SV2C: variants seen among roughly 807,000 people sequenced by gnomAD.
SV2C encodes the protein synaptic vesicle glycoprotein 2C.
SV2C carries 49 observed loss-of-function variants against 79.7 expected under a neutral mutation model. The observed-to-expected ratio is 0.61, with a 90% confidence interval of 0.49 to 0.78. The LOEUF is 0.78. Among genes scored for constraint, SV2C ranks in the 30% least tolerant of loss-of-function variants. The pLI, the probability that SV2C is intolerant of heterozygous loss-of-function variation, is 0.00. For missense variants in SV2C, 833 were observed against 912.9 expected, an observed-to-expected ratio of 0.91 and a Z score of 1.13; for synonymous variants, 334 against 333.2, an observed-to-expected ratio of 1.00 and a Z score of -0.03.
chr5:76,037,245 C>T, the SV2C span, among the ~76,000 whole-genome samples: 6 of 152,328 alleles, frequency 3.9e-5, no homozygotes, highest in South Asian at 2.1e-4. Flanking sequence ...TCTCTCAGCT[C>T]GTCAAAGTCA....
At chr5:76,195,206 A>G in intron 3 of SV2C, 107 bp downstream of exon 3, 1 of 1,154,974 alleles carries the variant, frequency 8.7e-7, no homozygotes, top group African/African-American at 1.5e-5. Flanking sequence ...ATCTCCTTCC[A>G]TATCCTCATG....
chr5:76,314,177 T>C (rs543276989), intron 12 of SV2C, among the ~76,000 whole-genome samples: 1 of 152,310 alleles, frequency 6.6e-6, no homozygotes, highest in Admixed American at 6.5e-5. Flanking sequence ...AATGAATGAA[T>C]GAAATATGCA....
intron 4 of SV2C, among the ~76,000 whole-genome samples, chr5:76,255,358 G>C (rs1746232715): frequency 6.6e-6 from 1 of 152,202 alleles, no homozygotes; most frequent in Admixed American, 6.5e-5. Flanking sequence ...TTTGGAGACA[G>C]GATCAGCCGG....
chr5:76,173,823 C>T (rs1318890507), intron 2 of SV2C: 12 of 1,598,314 alleles, frequency 7.5e-6, no homozygotes, highest in Non-Finnish European at 1.0e-5. Context: ...CTTTCATCTT[C>T]CAAGTCACAC....
intron 2 of SV2C, among the ~76,000 whole-genome samples, chr5:76,145,608 T>G (rs1749395155): frequency 6.6e-6 from 1 of 152,210 alleles, no homozygotes; most frequent in Non-Finnish European, 1.5e-5. Flanking sequence ...GGCCTGCCCT[T>G]AACCCAGTTA....
At chr5:75,945,221 T>C in the SV2C span, among the ~76,000 whole-genome samples, 2,131 of 152,198 alleles carry the variant, frequency 0.014, 61 homozygotes, top group African/African-American at 0.049. Context: ...CTGAAAAATA[T>C]AGTATCTGAA....
At chr5:76,105,976 G>T (rs574445322) in intron 1 of SV2C, among the ~76,000 whole-genome samples, 1 of 151,936 alleles carries the variant, frequency 6.6e-6, no homozygotes, top group Non-Finnish European at 1.5e-5. Flanking sequence ...TCTATATGCT[G>T]TTCACTCCCA....
rs900065677 is a variant in SV2C, at chr5:76,267,950, C to G, written c.914-17212C>G. Among the ~76,000 whole-genome samples the G allele has an allele frequency of 3.3e-5, 5 of 152,214 alleles. No homozygotes were observed. In the East Asian group the frequency reaches 9.6e-4, roughly 29 times the overall value. ...TTGGGGTGCTTGTTTGGATCCCACACAAGCAGATCCCTGGGTCCCAGCCCA... is the reference window on the plus strand; with the variant it reads ...TTGGGGTGCTTGTTTGGATCCCACAGAAGCAGATCCCTGGGTCCCAGCCCA... On this transcript the variant is annotated intron_variant, in intron 4 of 12. Coordinates refer to ENST00000502798, the MANE Select transcript of SV2C (RefSeq NM_014979.4).
At chr5:75,862,302 A>G in the SV2C span, among the ~76,000 whole-genome samples, 2,430 of 152,256 alleles carry the variant, frequency 0.016, 63 homozygotes, top group African/African-American at 0.052. Context: ...TGCTGGTGGG[A>G]AGAACTGAAC....
chr5:76,019,583 A>G, the SV2C span, among the ~76,000 whole-genome samples: 1 of 152,140 alleles, frequency 6.6e-6, no homozygotes, highest in South Asian at 2.1e-4. Context: ...AAAATTGGAT[A>G]TTTCTTGCTT....
chr5:75,866,882 C>G, the SV2C span, among the ~76,000 whole-genome samples: 1 of 152,100 alleles, frequency 6.6e-6, no homozygotes, highest in Non-Finnish European at 1.5e-5. Context: ...GAGAAAGGGG[C>G]TTTCTACCTA....
the SV2C span, among the ~76,000 whole-genome samples, chr5:75,896,876 G>C: frequency 1.4e-5 from 2 of 147,900 alleles, no homozygotes; most frequent in African/African-American, 2.7e-5. Flanking sequence ...CTTTTGAGAA[G>C]TGTCTGTTCA....
At chr5:76,187,043 G>A (rs1165013976) in intron 2 of SV2C, among the ~76,000 whole-genome samples, 1 of 152,136 alleles carries the variant, frequency 6.6e-6, no homozygotes, top group Admixed American at 6.5e-5. Context: ...ACCTCGCAAG[G>A]GATGGGGATC....
At chr5:76,305,449 A>G (rs1346976108) in intron 12 of SV2C, among the ~76,000 whole-genome samples, 1 of 152,078 alleles carries the variant, frequency 6.6e-6, no homozygotes, top group Non-Finnish European at 1.5e-5. Context: ...TCCTCACTTC[A>G]TATGATAAAA....
the SV2C span, among the ~76,000 whole-genome samples, chr5:76,026,201 A>C: frequency 5.0e-5 from 7 of 140,114 alleles, no homozygotes; most frequent in African/African-American, 8.1e-5. Flanking sequence ...CAAATTTACA[A>C]ACACACACAC....
chr5:75,913,154 C>T, the SV2C span, among the ~76,000 whole-genome samples: 2 of 152,164 alleles, frequency 1.3e-5, no homozygotes, highest in African/African-American at 4.8e-5. Context: ...AATGATAGTG[C>T]TCTCCAAATG....
intron 2 of SV2C, among the ~76,000 whole-genome samples, chr5:76,136,439 A>ATTAGTATATTGTG (rs1461979521): frequency 6.6e-6 from 1 of 152,202 alleles, no homozygotes; most frequent in African/African-American, 2.4e-5. Flanking sequence ...GGATATTCTG[A>ATTAGTATATTGTG]TTAGTATATT....
At chr5:76,051,707 C>T in the SV2C span, among the ~76,000 whole-genome samples, 2 of 152,040 alleles carry the variant, frequency 1.3e-5, no homozygotes, top group African/African-American at 4.8e-5. Context: ...ATCTAACCAT[C>T]ACACCCAAAA....
chr5:76,025,171 A>T, the SV2C span, among the ~76,000 whole-genome samples: 1 of 131,858 alleles, frequency 7.6e-6, no homozygotes, highest in Non-Finnish European at 1.5e-5. Context: ...TGCCTTGAGC[A>T]CGTTTTTTTT....
Sources: gnomAD v4.1 joint callset for allele counts (sites outside exome capture counted in the v4.1 genomes callset) on GRCh38, gnomAD v4.1.1 for gene constraint, MANE v1.5 for transcripts, NCBI Gene and HGNC (gene_info 2026-07-23, HGNC 2026-07-21) for gene names.